RIC1: variants seen among roughly 807,000 people sequenced by gnomAD.
RIC1 encodes the protein RIC1 partner of RAB6A GEF complex.
Under a neutral mutation model 169.0 loss-of-function variants are expected in RIC1, and 88 were observed. That is an observed-to-expected ratio of 0.52 (90% CI 0.44 to 0.62). The LOEUF (loss-of-function observed/expected upper bound fraction) is 0.62, where lower values mean the gene tolerates loss of function less well. Ranked by LOEUF, RIC1 falls within the 20% of genes least tolerant of loss-of-function variation. The pLI, the probability that RIC1 is intolerant of heterozygous loss-of-function variation, is 0.00. For missense variants in RIC1, 1,877 were observed against 1,725.5 expected (o/e 1.09, Z -1.56); for synonymous variants, 790 against 601.5 (o/e 1.31, Z -4.59).
chr9:5,629,574 C>T, intron 1 of RIC1, 121 bp downstream of exon 1: 2 of 1,093,354 alleles, frequency 1.8e-6, no homozygotes. Flanking sequence ...CACCTGCCTT[C>T]GCAGTCCGCG....
intron 1 of RIC1, among the ~76,000 whole-genome samples, chr9:5,632,145 G>T (rs540090947): frequency 6.6e-6 from 1 of 152,254 alleles, no homozygotes; most frequent in African/African-American, 2.4e-5. Context: ...GATAAAACAA[G>T]ATTTGCTTAC....
At chr9:5,758,539 G>A (rs1214286829) in intron 17 of RIC1, among the ~76,000 whole-genome samples, 1 of 152,062 alleles carries the variant, frequency 6.6e-6, no homozygotes, top group African/African-American at 2.4e-5. Flanking sequence ...AGAAGACATT[G>A]TAAAAGCTAG....
intron 1 of RIC1, among the ~76,000 whole-genome samples, chr9:5,645,759 T>C (rs1818476317): frequency 6.6e-6 from 1 of 152,218 alleles, no homozygotes; most frequent in African/African-American, 2.4e-5. Context: ...TGATACTCCA[T>C]TGTATATGTA....
At chr9:5,743,041 A>C in intron 9 of RIC1, 28 bp downstream of exon 9, 1 of 1,593,036 alleles carries the variant, frequency 6.3e-7, no homozygotes, top group East Asian at 2.2e-5. Context: ...ATTTTTAGAT[A>C]AAATAACTCC....
At chr9:5,641,318 C>G (rs962946970) in intron 1 of RIC1, among the ~76,000 whole-genome samples, 5 of 152,180 alleles carry the variant, frequency 3.3e-5, no homozygotes, top group Middle Eastern at 3.4e-3. Flanking sequence ...GTCTCGATCT[C>G]CTGACCTCAT....
At chr9:5,689,881 G>T in intron 2 of RIC1, 78 bp from the exon 3 acceptor site, 1 of 1,010,432 alleles carries the variant, frequency 9.9e-7, no homozygotes, top group Non-Finnish European at 1.5e-6. Flanking sequence ...TTCGAAGTAA[G>T]AATTTATAAA....
At chr9:5,695,655 C>T (rs1372656823) in intron 3 of RIC1, among the ~76,000 whole-genome samples, 1 of 150,088 alleles carries the variant, frequency 6.7e-6, no homozygotes, top group African/African-American at 2.5e-5. Flanking sequence ...TCCCTGCAAT[C>T]TCCGCCTTCT....
chr9:5,724,851 T>G (rs935375438), intron 6 of RIC1, among the ~76,000 whole-genome samples: 26 of 152,130 alleles, frequency 1.7e-4, no homozygotes, highest in African/African-American at 5.1e-4. Flanking sequence ...TTATATGCTG[T>G]ATTACCGTTA....
At chr9:5,633,058 T>C (rs962718911) in intron 1 of RIC1, among the ~76,000 whole-genome samples, 2 of 152,204 alleles carry the variant, frequency 1.3e-5, no homozygotes, top group Non-Finnish European at 1.5e-5. Flanking sequence ...TCTTGTGAGA[T>C]ATCACTGTTG....
At chr9:5,635,056 T>C (rs529026589) in intron 1 of RIC1, among the ~76,000 whole-genome samples, 1 of 152,274 alleles carries the variant, frequency 6.6e-6, no homozygotes, top group East Asian at 1.9e-4. Context: ...GTCATGATCA[T>C]GGCTTACTGC....
At chr9:5,721,532 G>C (rs897105412) in intron 6 of RIC1, among the ~76,000 whole-genome samples, 16 of 152,312 alleles carry the variant, frequency 1.1e-4, no homozygotes, top group African/African-American at 3.8e-4. Context: ...TAGTGCGCTT[G>C]TGGGCATTAT....
Position 5,765,444 on chromosome 9 carries a change from C to T in RIC1, c.2872C>T (p.His958Tyr). 1 of 1,613,970 alleles carries T rather than the reference C, an allele frequency of 6.2e-7. No individual in the cohort carries two copies. The highest frequency in any genetic ancestry group is 8.5e-7 in the Non-Finnish European group (1 of 1,179,932). ...GGAAGTCCCTGCAGTAAGTAGGCAA[C>T]ATGCTACCCTTCTATTCAACACAGC... is the stretch of plus-strand genomic sequence containing the variant. ...NMEVPAVSRQ[H>Y]ATLLFNTALE... The change falls in exon 20 of 26, where the codon CAT (histidine) becomes TAT (tyrosine). Residue 958 changes from histidine to tyrosine, a missense_variant. Physicochemically the swap from His to Tyr is moderately conservative, Grantham distance 83 (BLOSUM62 2). Transcript: ENST00000414202.
chr9:5,685,306 C>T (rs573865536), intron 2 of RIC1, among the ~76,000 whole-genome samples: 2 of 150,976 alleles, frequency 1.3e-5, no homozygotes, highest in East Asian at 1.9e-4. Flanking sequence ...CAAAAAAGAG[C>T]CCGCATCGCC....
chr9:5,701,558 C>T (rs1822221756), intron 3 of RIC1, among the ~76,000 whole-genome samples: 1 of 150,784 alleles, frequency 6.6e-6, no homozygotes, highest in South Asian at 2.1e-4. Context: ...TGCACCACTG[C>T]ACTCCAGCCT....
chr9:5,704,471 C>T (rs541731061), intron 3 of RIC1, among the ~76,000 whole-genome samples: 1 of 152,142 alleles, frequency 6.6e-6, no homozygotes, highest in African/African-American at 2.4e-5. Context: ...CTTGGCCCCC[C>T]AAAGTGCTGG....
chr9:5,700,795 C>G (rs191468327), intron 3 of RIC1, among the ~76,000 whole-genome samples: 2 of 152,204 alleles, frequency 1.3e-5, no homozygotes, highest in Admixed American at 6.5e-5. Context: ...CTTCCTATAA[C>G]TTTGAACTAG....
intron 1 of RIC1, among the ~76,000 whole-genome samples, chr9:5,634,231 A>G (rs1425769155): frequency 6.6e-6 from 1 of 152,208 alleles, no homozygotes; most frequent in Admixed American, 6.5e-5. Flanking sequence ...ACTGATTTCA[A>G]TTCCTTTGGA....
At chr9:5,713,122 G>A (rs1260949896) in intron 3 of RIC1, 1 of 152,200 alleles carries the variant, frequency 6.6e-6, no homozygotes, top group Non-Finnish European at 1.5e-5. Flanking sequence ...GTACTTGACT[G>A]GAAAGGGAGA....
chr9:5,673,096 G>C lies in RIC1; in HGVS notation c.252+16406G>C, dbSNP rs538866168. On this transcript the variant is annotated intron_variant, in intron 2 of 25. Transcript: ENST00000414202. ...TAATTCCTAGGTTAGTGAGAGATAG[G>C]TGATAAACAAGTTTAGACAAGAAAA... is the stretch of plus-strand genomic sequence containing the variant. Among the ~76,000 whole-genome samples, 7 of 152,174 alleles carry C rather than the reference G, an allele frequency of 4.6e-5. No individual in the cohort carries two copies. The South Asian group carries it at 1.5e-3, about 32-fold the overall frequency.
Sources: gnomAD v4.1 joint callset for allele counts (sites outside exome capture counted in the v4.1 genomes callset) on GRCh38, gnomAD v4.1.1 for gene constraint, MANE v1.5 for transcripts, NCBI Gene and HGNC (gene_info 2026-07-23, HGNC 2026-07-21) for gene names.